The following CACNA1C variants were observed in gnomAD, a reference collection of about 807,000 sequenced individuals.
The protein encoded by CACNA1C is voltage-dependent L-type calcium channel subunit alpha-1C.
In CACNA1C, 30 loss-of-function variants were observed where a neutral mutation model predicts 229.0. The observed-to-expected ratio is 0.13, with a 90% CI of 0.10 to 0.18. The LOEUF is 0.18. CACNA1C is among the 10% of genes least tolerant of loss of function. CACNA1C has a pLI of 1.00. For synonymous variants in CACNA1C, 1,114 were observed against 1,132.5 expected (o/e 0.98, Z 0.33); for missense variants, 1,658 against 2,845.0 (o/e 0.58, Z 9.49).
chr12:2,267,483 A>G (rs915388625), intron 3 of CACNA1C, among the ~76,000 whole-genome samples: 6 of 152,186 alleles, frequency 3.9e-5, no homozygotes, highest in Non-Finnish European at 5.9e-5. Flanking sequence ...GGGAGGAAAC[A>G]GCTGAGCACC....
At position 2,430,574 on chromosome 12, in the gene CACNA1C, G is replaced by T. The variant is rs577878825; in HGVS notation, c.478-18402G>T. 1.5e-3 allele frequency among the ~76,000 whole-genome samples: 219 copies of T among 149,378 alleles called. 1 individual carries two copies. Among genetic ancestry groups the T allele is most frequent in the African/African-American group, 5.1e-3 (204 of 39,674 alleles). On this transcript the variant is annotated intron_variant, in intron 3 of 46. Coordinates refer to ENST00000399655, the MANE Select transcript of CACNA1C (RefSeq NM_000719.7). ...CACCCCTGACTCAGTCTGGGAGGTG[G>T]TGGGGGGGTCCGAGCATGTATGAGA...
At chr12:2,190,664 C>T (rs115434234) in intron 3 of CACNA1C, among the ~76,000 whole-genome samples, 2,789 of 152,128 alleles carry the variant, frequency 0.018, 85 homozygotes, top group African/African-American at 0.062. Flanking sequence ...AGCCGGCAGG[C>T]GAGGAGGCTG....
intron 3 of CACNA1C, among the ~76,000 whole-genome samples, chr12:2,173,760 C>T (rs907616346): frequency 3.3e-5 from 5 of 152,078 alleles, no homozygotes; most frequent in African/African-American, 4.8e-5. Context: ...CCTTTCTGTG[C>T]CTCAGTTCCC....
At chr12:2,293,551 G>A (rs1180635737) in intron 3 of CACNA1C, among the ~76,000 whole-genome samples, 1 of 152,158 alleles carries the variant, frequency 6.6e-6, no homozygotes, top group Non-Finnish European at 1.5e-5. Flanking sequence ...TCATAAAACA[G>A]TATGAGATTT....
intron 1 of CACNA1C, among the ~76,000 whole-genome samples, chr12:2,008,506 T>A (rs573322627): frequency 2.0e-5 from 3 of 152,000 alleles, no homozygotes; most frequent in African/African-American, 7.3e-5. Flanking sequence ...GTCCAATGCC[T>A]TGTACATAAT....
intron 3 of CACNA1C, among the ~76,000 whole-genome samples, chr12:2,222,704 C>T (rs1300190653): frequency 6.6e-6 from 1 of 152,118 alleles, no homozygotes; most frequent in Admixed American, 6.5e-5. Flanking sequence ...GATCCCAAGC[C>T]CTGAATTAAG....
chr12:2,126,717 G>A (rs1478371641), intron 3 of CACNA1C, among the ~76,000 whole-genome samples: 1 of 152,202 alleles, frequency 6.6e-6, no homozygotes, highest in Non-Finnish European at 1.5e-5. Flanking sequence ...AGAAGGTTGA[G>A]ATGTCAGATT....
intron 1 of CACNA1C, among the ~76,000 whole-genome samples, chr12:2,099,528 C>G (rs2154098062): frequency 6.6e-6 from 1 of 152,178 alleles, no homozygotes; most frequent in East Asian, 1.9e-4. Flanking sequence ...CTTCCAGAGG[C>G]AGGAATCTGG....
At chr12:2,270,181 C>G (rs543550392) in intron 3 of CACNA1C, among the ~76,000 whole-genome samples, 107 of 152,318 alleles carry the variant, frequency 7.0e-4, no homozygotes, top group African/African-American at 1.8e-3. Flanking sequence ...GTTTAGCCAA[C>G]TCTAGAAGGC....
chr12:2,047,332 C>T lies in CACNA1C; in HGVS notation c.140-67892C>T, dbSNP rs1426444949. 6.6e-5 allele frequency among the ~76,000 whole-genome samples: 10 copies of T among 152,306 alleles called. 1 individual carries two copies. The South Asian group carries it at 2.1e-3, about 32-fold the overall frequency. On this transcript the variant is annotated intron_variant, in intron 1 of 46. Transcript: ENST00000682462. ...TAACATTAAATGAGCACACTGTGCA[C>T]CCCACACACTTTACTTGGACTATTT...
chr12:2,677,875 G>A lies in CACNA1C; in HGVS notation c.5091+8G>A, dbSNP rs768117202. ...GAAGATGACATCTTCAGGGTGGGTG[G>A]TGCCATGGCGCACTCTCGACCCCTA... On this transcript the variant is annotated splice_region_variant and intron_variant, in intron 41 of 46. Coordinates refer to ENST00000399655, the MANE Select transcript of CACNA1C (RefSeq NM_000719.7). This position sits in a 1 kb window ranked among gnomAD's most constrained non-coding sequence, Gnocchi z 7.4. The A allele has an allele frequency of 7.4e-6, 12 of 1,613,770 alleles. No homozygotes were observed. The highest frequency in any genetic ancestry group is 1.7e-5 in the Admixed American group (1 of 60,002).
chr12:2,532,736 TG>T (rs1388456170), intron 9 of CACNA1C, among the ~76,000 whole-genome samples: 2 of 152,324 alleles, frequency 1.3e-5, no homozygotes, highest in East Asian at 3.9e-4. Context: ...CCAGGTTTCC[TG>T]GGCCACTGAG....
chr12:2,494,723 T>C (rs1330476032), intron 7 of CACNA1C, among the ~76,000 whole-genome samples: 1 of 152,266 alleles, frequency 6.6e-6, no homozygotes, highest in Non-Finnish European at 1.5e-5. Context: ...TATTCTGTCA[T>C]ATGATTTCTT....
At chr12:1,993,337 A>G (rs1593251109) in intron 1 of CACNA1C, 2 of 1,613,950 alleles carry the variant, frequency 1.2e-6, no homozygotes, top group Non-Finnish European at 8.5e-7. Context: ...GTTCTGTCCT[A>G]TTTTCCATGC....
Position 2,504,793 on chromosome 12 carries a change from G to A in CACNA1C, c.1114-49G>A, listed in dbSNP as rs369015947. The A allele has an allele frequency of 1.5e-4, 170 of 1,138,022 alleles. 1 individual carries two copies. Among genetic ancestry groups the A allele is most frequent in the South Asian group, 4.9e-4 (39 of 79,406 alleles). The allele number at this position is 1,138,022 out of a possible 1,614,324, so 70.5% of individuals were successfully genotyped here. A position where few individuals can be genotyped will look rare whatever the true frequency, so the allele number is the denominator to read the frequency against. ...CGGGAGCCGGGGACCGGCACTGGCC[G>A]TGCTCGGTTGCTGAGTGTGCCTCAC... On this transcript the variant is annotated intron_variant, in intron 7 of 46. Coordinates refer to ENST00000399655, the MANE Select transcript of CACNA1C (RefSeq NM_000719.7). This position sits in a 1 kb window ranked among gnomAD's most constrained non-coding sequence, Gnocchi z 6.8.
At chr12:2,642,130 T>C (rs1019557129) in intron 30 of CACNA1C, among the ~76,000 whole-genome samples, 2 of 152,018 alleles carry the variant, frequency 1.3e-5, no homozygotes, top group African/African-American at 4.8e-5. Context: ...TGGGAACCTG[T>C]TTTTTTATAG....
At chr12:2,461,206 G>A (rs185528656) in intron 5 of CACNA1C, among the ~76,000 whole-genome samples, 6 of 152,220 alleles carry the variant, frequency 3.9e-5, no homozygotes, top group Non-Finnish European at 5.9e-5. Flanking sequence ...CACCGTTACC[G>A]CACCCAGTGC....
Position 2,665,456 on chromosome 12 carries a change from G to A in CACNA1C, c.4399-125G>A. ...GAGACCCAGGTTCTCAGGCTGGTAG[G>A]ATGGATGACTGGTCTTTAGAAATGT... is the stretch of plus-strand genomic sequence containing the variant. On this transcript the variant is annotated intron_variant, in intron 35 of 46. Transcript: ENST00000399655. The surrounding 1 kb of genome is among the most constrained non-coding windows in gnomAD (Gnocchi z 5.9). 9.9e-7 allele frequency: 1 copy of A among 1,011,722 alleles called. No homozygotes were observed. Among genetic ancestry groups the A allele is most frequent in the Non-Finnish European group, 1.5e-6 (1 of 657,634 alleles). 62.7% of individuals were successfully genotyped at this position (1,011,722 alleles called of 1,614,324 possible).
chr12:2,136,551 C>T (rs1348485896), intron 3 of CACNA1C, among the ~76,000 whole-genome samples: 1 of 151,186 alleles, frequency 6.6e-6, no homozygotes, highest in East Asian at 1.9e-4. Flanking sequence ...AGGCCTTCAA[C>T]TAGAGTTTAT....
Sources: gnomAD v4.1 joint callset for allele counts (sites outside exome capture counted in the v4.1 genomes callset) on GRCh38, gnomAD v4.1.1 for gene constraint, Gnocchi (gnomAD v3.1) non-coding constraint, MANE v1.5 for transcripts, NCBI Gene and HGNC (gene_info 2026-07-23, HGNC 2026-07-21) for gene names.